The following DRC8 variants were observed in gnomAD, a reference collection of about 807,000 sequenced individuals.
DRC8 encodes the protein dynein regulatory complex subunit 8, also known as dynein regulatory complex protein 8.
At chr1:245,076,926 C>T in the DRC8 span, among the ~76,000 whole-genome samples, 5 of 152,118 alleles carry the variant, frequency 3.3e-5, no homozygotes, top group Middle Eastern at 3.4e-3. Flanking sequence ...GGGGTTTCGC[C>T]GTGTTGGCCA....
chr1:245,046,149 TTA>T, the DRC8 span, among the ~76,000 whole-genome samples: 1 of 152,228 alleles, frequency 6.6e-6, no homozygotes, highest in African/African-American at 2.4e-5. Context: ...ATTTTATCAA[TTA>T]TGTTATATTT....
chr1:245,112,353 T>C, the DRC8 span, among the ~76,000 whole-genome samples: 1 of 152,094 alleles, frequency 6.6e-6, no homozygotes, highest in African/African-American at 2.4e-5. Context: ...GGATTACAGG[T>C]GTGAGCTACT....
the DRC8 span, chr1:245,059,480 C>T: frequency 6.2e-7 from 1 of 1,600,238 alleles, no homozygotes; most frequent in Middle Eastern, 1.7e-4. Flanking sequence ...GAAAAGGTTT[C>T]ATTCAGCCAG....
At chr1:244,994,615 T>A in the DRC8 span, among the ~76,000 whole-genome samples, 1 of 151,880 alleles carries the variant, frequency 6.6e-6, no homozygotes, top group Admixed American at 6.6e-5. Context: ...TTTTTAGTAG[T>A]GATGGGGTTT....
chr1:244,984,660 C>A, the DRC8 span, among the ~76,000 whole-genome samples: 1 of 151,948 alleles, frequency 6.6e-6, no homozygotes. Flanking sequence ...CACAGAGAAA[C>A]CCTGTCTCTA....
chr1:245,120,014 G>A, the DRC8 span, among the ~76,000 whole-genome samples: 8 of 152,156 alleles, frequency 5.3e-5, no homozygotes, highest in Non-Finnish European at 2.9e-5. Context: ...TGGGGCATCA[G>A]ATAGAGGCTG....
chr1:245,034,076 C>T, the DRC8 span, among the ~76,000 whole-genome samples: 339 of 152,182 alleles, frequency 2.2e-3, 3 homozygotes, highest in African/African-American at 7.9e-3. Flanking sequence ...TGCTTTGGGA[C>T]GATTATCTTT....
At chr1:245,052,441 C>T in the DRC8 span, among the ~76,000 whole-genome samples, 3 of 152,086 alleles carry the variant, frequency 2.0e-5, no homozygotes, top group African/African-American at 7.2e-5. Context: ...AGCACAGCTG[C>T]GTGAGTGAGC....
chr1:245,125,186 C>T, the DRC8 span: 1 of 152,224 alleles, frequency 6.6e-6, no homozygotes, highest in African/African-American at 2.4e-5. Context: ...TTGCTACGAG[C>T]ATCCATGATA....
chr1:245,000,608 G>A, the DRC8 span, among the ~76,000 whole-genome samples: 3 of 151,954 alleles, frequency 2.0e-5, no homozygotes, highest in Admixed American at 6.6e-5. Flanking sequence ...GTGAAACCCC[G>A]TCTCTACTAA....
chr1:245,054,228 T>G, the DRC8 span, among the ~76,000 whole-genome samples: 142,450 of 151,928 alleles, frequency 0.94, 67,290 homozygotes, highest in Non-Finnish European at 1. Flanking sequence ...CAAGTCAGTG[T>G]CTGTTCACAT....
the DRC8 span, among the ~76,000 whole-genome samples, chr1:245,037,786 A>G: frequency 6.6e-6 from 1 of 152,168 alleles, no homozygotes; most frequent in African/African-American, 2.4e-5. Flanking sequence ...AATATTTGCT[A>G]AAGTATAGTA....
the DRC8 span, among the ~76,000 whole-genome samples, chr1:245,077,978 C>T: frequency 6.6e-6 from 1 of 150,478 alleles, no homozygotes; most frequent in African/African-American, 2.4e-5. Context: ...ATTAATATTC[C>T]AATACATATA....
the DRC8 span, among the ~76,000 whole-genome samples, chr1:244,981,731 C>T: frequency 2.0e-5 from 3 of 152,284 alleles, no homozygotes; most frequent in East Asian, 3.9e-4. Flanking sequence ...CAGTCTTAGG[C>T]GGTCCCTCAC....
the DRC8 span, among the ~76,000 whole-genome samples, chr1:245,021,707 A>C: frequency 6.6e-6 from 1 of 152,164 alleles, no homozygotes; most frequent in Non-Finnish European, 1.5e-5. Flanking sequence ...AAGTGCTGGG[A>C]TTACAGACGT....
the DRC8 span, among the ~76,000 whole-genome samples, chr1:245,068,348 C>T: frequency 6.6e-6 from 1 of 152,080 alleles, no homozygotes; most frequent in African/African-American, 2.4e-5. Flanking sequence ...AATGCCATCA[C>T]CTTAATATAA....
the DRC8 span, among the ~76,000 whole-genome samples, chr1:245,036,617 A>G: frequency 6.6e-6 from 1 of 152,264 alleles, no homozygotes; most frequent in African/African-American, 2.4e-5. Flanking sequence ...GAATGGATAA[A>G]TGAAACGTGA....
the DRC8 span, among the ~76,000 whole-genome samples, chr1:245,093,265 G>A: frequency 6.6e-6 from 1 of 152,176 alleles, no homozygotes; most frequent in African/African-American, 2.4e-5. Flanking sequence ...GTGAAAACAG[G>A]AGGCCTTAAG....
the DRC8 span, among the ~76,000 whole-genome samples, chr1:245,118,788 A>G: frequency 2.1e-3 from 309 of 149,846 alleles, 1 homozygote; most frequent in African/African-American, 7.3e-3. Context: ...GCAAAACGCC[A>G]TCTCAAAAAA....
Sources: allele counts gnomAD v4.1 joint callset (sites outside exome capture counted in the v4.1 genomes callset), GRCh38; gene constraint gnomAD v4.1.1; transcripts MANE v1.5; gene names NCBI Gene and HGNC (gene_info 2026-07-23, HGNC 2026-07-21).